ADAMTS12: variants seen among roughly 807,000 people sequenced by gnomAD.
ADAMTS12 encodes the protein A disintegrin and metalloproteinase with thrombospondin motifs 12.
A neutral mutation model predicts 167.8 loss-of-function variants in ADAMTS12; 118 were observed. That is an observed-to-expected ratio of 0.70 (90% confidence interval 0.61 to 0.82). ADAMTS12 has a LOEUF of 0.82. Among genes scored for constraint, ADAMTS12 ranks in the 40% least tolerant of loss-of-function variants. The pLI is 0.00. For missense variants in ADAMTS12, 1,916 were observed against 1,998.8 expected (o/e 0.96, Z 0.79); for synonymous variants, 704 against 716.9 (o/e 0.98, Z 0.29).
chr5:33,765,242 C>A (rs1466565816), intron 2 of ADAMTS12, among the ~76,000 whole-genome samples: 1 of 152,114 alleles, frequency 6.6e-6, no homozygotes, highest in Non-Finnish European at 1.5e-5. Flanking sequence ...GGCAATTTAG[C>A]CCTAAATACT....
chr5:33,584,035 C>A (rs1747209301), intron 18 of ADAMTS12, among the ~76,000 whole-genome samples: 1 of 152,128 alleles, frequency 6.6e-6, no homozygotes, highest in South Asian at 2.1e-4. Flanking sequence ...ATTTGAGATG[C>A]AGTATGGCAA....
intron 14 of ADAMTS12, among the ~76,000 whole-genome samples, chr5:33,616,480 A>G (rs1282251647): frequency 6.6e-6 from 1 of 152,142 alleles, no homozygotes; most frequent in Non-Finnish European, 1.5e-5. Flanking sequence ...ATTGCATTGG[A>G]TACATACTTT....
At chr5:33,809,272 G>T (rs934126821) in intron 2 of ADAMTS12, among the ~76,000 whole-genome samples, 2 of 152,092 alleles carry the variant, frequency 1.3e-5, no homozygotes, top group African/African-American at 4.8e-5. Context: ...TGGTGCTGCC[G>T]GTCCTTGGAC....
chr5:33,604,666 T>A (rs1352902472), intron 16 of ADAMTS12, among the ~76,000 whole-genome samples: 1 of 152,080 alleles, frequency 6.6e-6, no homozygotes, highest in Non-Finnish European at 1.5e-5. Flanking sequence ...TCCATCACTT[T>A]ATCCGGTATA....
At chr5:33,661,771 A>G in intron 6 of ADAMTS12, 145 bp downstream of exon 6, 1 of 1,133,948 alleles carries the variant, frequency 8.8e-7, no homozygotes, top group Non-Finnish European at 1.2e-6. Context: ...TAGGGAAGTC[A>G]GGAGTTGACT....
chr5:33,673,441 C>G (rs1259286509), intron 5 of ADAMTS12, among the ~76,000 whole-genome samples: 2 of 152,130 alleles, frequency 1.3e-5, no homozygotes, highest in Non-Finnish European at 2.9e-5. Flanking sequence ...GCAGGAACCA[C>G]CATCGACTCA....
intron 23 of ADAMTS12, among the ~76,000 whole-genome samples, chr5:33,528,787 C>T (rs150799292): frequency 0.086 from 13,151 of 152,270 alleles, 708 homozygotes; most frequent in Non-Finnish European, 0.12. Context: ...TGGCTCACGC[C>T]TGTAATCCCA....
At chr5:33,730,686 CTTAG>C (rs1347636057) in intron 3 of ADAMTS12, among the ~76,000 whole-genome samples, 3 of 152,170 alleles carry the variant, frequency 2.0e-5, no homozygotes, top group Admixed American at 6.5e-5. Context: ...TCATCCTTCA[CTTAG>C]TTAGGATTGC....
intron 2 of ADAMTS12, among the ~76,000 whole-genome samples, chr5:33,785,230 T>C (rs988464010): frequency 6.6e-6 from 1 of 152,006 alleles, no homozygotes. Context: ...TGGGAGAAAC[T>C]ATAGGAGAAA....
intron 3 of ADAMTS12, among the ~76,000 whole-genome samples, chr5:33,684,921 A>G (rs938668684): frequency 2.6e-5 from 4 of 152,228 alleles, no homozygotes; most frequent in Non-Finnish European, 5.9e-5. Flanking sequence ...ACCAAAACGA[A>G]TAAAAGGCTA....
At chr5:33,774,430 A>G (rs1354038053) in intron 2 of ADAMTS12, among the ~76,000 whole-genome samples, 1 of 151,382 alleles carries the variant, frequency 6.6e-6, no homozygotes, top group Admixed American at 6.6e-5. Flanking sequence ...TGGTGTTATG[A>G]AAAAAAAATC....
Position 33,539,187 on chromosome 5 carries a change from C to G in ADAMTS12, c.4447-4195G>C, listed in dbSNP as rs528600597. On this transcript the variant is annotated intron_variant, in intron 22 of 23. Transcript: ENST00000504830. ...GAACTCCTGACCTCAGGTGATCCAC[C>G]TGCTTCGGCCTCCCAAAGTGCTAGG... Among the ~76,000 whole-genome samples the G allele has an allele frequency of 1.5e-4, 23 of 152,304 alleles. No homozygotes were observed. The South Asian group carries it at 2.7e-3, about 18-fold the overall frequency.
At chr5:33,604,034 T>C (rs992201842) in intron 16 of ADAMTS12, among the ~76,000 whole-genome samples, 5 of 152,280 alleles carry the variant, frequency 3.3e-5, no homozygotes, top group Non-Finnish European at 7.4e-5. Flanking sequence ...AATATAAGTA[T>C]AAATTTATAT....
intron 3 of ADAMTS12, among the ~76,000 whole-genome samples, chr5:33,722,248 A>C (rs1222021283): frequency 6.6e-6 from 1 of 152,232 alleles, no homozygotes; most frequent in East Asian, 1.9e-4. Context: ...AGAATAAAGC[A>C]ACACAGTGAT....
intron 2 of ADAMTS12, among the ~76,000 whole-genome samples, chr5:33,759,924 T>A (rs1745288857): frequency 6.6e-6 from 1 of 152,150 alleles, no homozygotes; most frequent in Middle Eastern, 3.2e-3. Context: ...CCAAAGAGAA[T>A]AAGGCGTCAG....
intron 2 of ADAMTS12, among the ~76,000 whole-genome samples, chr5:33,839,388 G>T (rs1748657222): frequency 6.6e-6 from 1 of 152,178 alleles, no homozygotes; most frequent in South Asian, 2.1e-4. Flanking sequence ...TTTTAGACCT[G>T]AATTTTGGTG....
At chr5:33,685,044 T>G (rs1049635418) in intron 3 of ADAMTS12, among the ~76,000 whole-genome samples, 2 of 152,048 alleles carry the variant, frequency 1.3e-5, no homozygotes, top group East Asian at 3.9e-4. Context: ...CAGAAGAGAG[T>G]AAAGAAAGAA....
chr5:33,751,988 A>G (rs1459388255), intron 2 of ADAMTS12, among the ~76,000 whole-genome samples: 1 of 152,220 alleles, frequency 6.6e-6, no homozygotes, highest in Non-Finnish European at 1.5e-5. Flanking sequence ...GCCCAGCCAC[A>G]TGTTCACACA....
intron 2 of ADAMTS12, among the ~76,000 whole-genome samples, chr5:33,805,759 T>G (rs1344232182): frequency 1.3e-5 from 2 of 152,130 alleles, no homozygotes; most frequent in Non-Finnish European, 2.9e-5. Flanking sequence ...GTGCAGTGGT[T>G]TATGCCTTAA....
Sources: gnomAD v4.1 joint callset for allele counts (sites outside exome capture counted in the v4.1 genomes callset) on GRCh38, gnomAD v4.1.1 for gene constraint, MANE v1.5 for transcripts, NCBI Gene and HGNC (gene_info 2026-07-23, HGNC 2026-07-21) for gene names.